KIAA0513: variants seen among roughly 807,000 people sequenced by gnomAD.
KIAA0513 encodes the protein KIAA0513.
Under a neutral mutation model 56.5 loss-of-function variants are expected in KIAA0513, and 39 were observed. The ratio of observed to expected loss-of-function variants is 0.69; its 90% CI spans 0.53 to 0.90. KIAA0513 has a LOEUF of 0.90. Among genes scored for constraint, KIAA0513 ranks in the 40% least tolerant of loss-of-function variants. KIAA0513 has a pLI of 0.00. For missense variants in KIAA0513, 591 were observed against 535.2 expected, an observed-to-expected ratio of 1.10 and a Z score of -1.03; for synonymous variants, 268 against 215.6, an observed-to-expected ratio of 1.24 and a Z score of -2.13.
intron 2 of KIAA0513, among the ~76,000 whole-genome samples, chr16:85,070,034 G>T (rs2073548790): frequency 6.6e-6 from 1 of 151,798 alleles, no homozygotes; most frequent in Admixed American, 6.6e-5. Flanking sequence ...AGCCAGGCAT[G>T]GTGGCATGTA....
Position 85,076,790 on chromosome 16 carries a change from G to C in KIAA0513, c.575-635G>C, listed in dbSNP as rs2073662300. Among the ~76,000 whole-genome samples the C allele has an allele frequency of 6.6e-6, 1 of 152,166 alleles. No homozygotes were observed. The highest frequency in any genetic ancestry group is 2.4e-5 in the African/African-American group (1 of 41,440). On this transcript the variant is annotated intron_variant, in intron 5 of 12. Transcript: ENST00000683363. This position sits in a 1 kb window ranked among gnomAD's most constrained non-coding sequence, Gnocchi z 4.7. ...TAGGAACCCCCCAGTACAACCTGTG[G>C]CTCCTCCTTTTTGAAGAACGGATAG...
intron 2 of KIAA0513, among the ~76,000 whole-genome samples, chr16:85,070,384 A>C (rs947949908): frequency 1.3e-5 from 2 of 152,114 alleles, no homozygotes; most frequent in Non-Finnish European, 2.9e-5. Flanking sequence ...GACTGTCTCA[A>C]AATGCATTTA....
intron 1 of KIAA0513, among the ~76,000 whole-genome samples, chr16:85,060,441 T>G (rs2073387752): frequency 6.6e-6 from 1 of 152,212 alleles, no homozygotes; most frequent in Non-Finnish European, 1.5e-5. Context: ...ATGTGCACAG[T>G]GCACCTGCCC....
In KIAA0513 at chr16:85,079,001, C is replaced by T. The variant is rs2073702714; in HGVS notation, c.900C>T (p.Ile300=). The change falls in exon 8 of 13, where the codon ATC becomes ATT. Residue 300 remains isoleucine, a splice_region_variant and synonymous_variant. Transcript: ENST00000683363. ...ACACGCACCTGAAGCAACAGCCCAT[C>T]TGGTAAGGCCGAGCCCGCGGCTTCC... ...YLYTHLKQQP[I]WHTLRFWNAA... is the part of the protein sequence containing the mutation. The T allele has an allele frequency of 1.3e-5, 21 of 1,614,176 alleles. No individual in the cohort carries two copies. The highest frequency in any genetic ancestry group is 1.8e-5 in the Non-Finnish European group (21 of 1,180,030).
Position 85,066,997 on chromosome 16 carries a change from T to C in KIAA0513, c.-75T>C. ...CTTGGTGGGCTCCTACTAACGCACC[T>C]GGGACACCAGGCTGCTGGGCTCCCC... On this transcript the variant is annotated 5_prime_UTR_variant, in exon 2 of 13. Transcript: ENST00000683363. The C allele has an allele frequency of 7.3e-7, 1 of 1,364,068 alleles. No individual in the cohort carries two copies. The highest frequency in any genetic ancestry group is 9.9e-7 in the Non-Finnish European group (1 of 1,012,262). 84.5% of individuals were successfully genotyped at this position (1,364,068 alleles called of 1,614,324 possible).
At chr16:85,085,627 G>A (rs2073799617) in intron 10 of KIAA0513, among the ~76,000 whole-genome samples, 1 of 152,224 alleles carries the variant, frequency 6.6e-6, no homozygotes, top group African/African-American at 2.4e-5. Flanking sequence ...TGTAAGGGTC[G>A]GGGAGGCCCC....
intron 1 of KIAA0513, among the ~76,000 whole-genome samples, chr16:85,066,015 C>T (rs1228975483): frequency 6.6e-6 from 1 of 152,178 alleles, no homozygotes. Context: ...AGCATGGCTA[C>T]GGTGGTGCCA....
At position 85,087,056 on chromosome 16, in the gene KIAA0513, G is replaced by C. The variant is rs1340243722; in HGVS notation, c.1092-16G>C. The stretch of plus-strand genomic sequence containing the variant: ...TGGGAGGCCAGCGGGTGACGCTCTT[G>C]GGGTTTCTCCTGCAGCACATTCACG... On this transcript the variant is annotated splice_polypyrimidine_tract_variant and intron_variant, in intron 11 of 12. Coordinates refer to ENST00000683363, the MANE Select transcript of KIAA0513 (RefSeq NM_001388359.1). 6.2e-7 allele frequency: 1 copy of C among 1,613,132 alleles called. No homozygotes were observed. The highest frequency in any genetic ancestry group is 8.5e-7 in the Non-Finnish European group (1 of 1,179,108).
rs777156373 is a variant in KIAA0513, at chr16:85,067,276, G to T, written c.205G>T (p.Asp69Tyr). 4 of 1,614,002 alleles carry T rather than the reference G, an allele frequency of 2.5e-6. No individual in the cohort carries two copies. The highest frequency in any genetic ancestry group is 3.4e-6 in the Non-Finnish European group (4 of 1,180,028). The change falls in exon 2 of 13, where the codon GAC (aspartate) becomes TAC (tyrosine). Residue 69 changes from aspartate to tyrosine, a missense_variant. Asp to Tyr is a radical substitution (Grantham distance 160). Coordinates refer to ENST00000683363, the MANE Select transcript of KIAA0513 (RefSeq NM_001388359.1). Reference protein sequence around the residue: ...ESPSHPSWDQDRRSSSNESFS... With the variant: ...ESPSHPSWDQYRRSSSNESFS... Reference sequence around the variant, plus strand: ...GCCCTCGCACCCGTCCTGGGACCAAGACCGCCGTTCCTCCTCCAACGAGTC... The same window carrying T: ...GCCCTCGCACCCGTCCTGGGACCAATACCGCCGTTCCTCCTCCAACGAGTC...
chr16:85,036,139 C>G (rs1207864907), intron 1 of KIAA0513, among the ~76,000 whole-genome samples: 10 of 152,076 alleles, frequency 6.6e-5, no homozygotes, highest in Admixed American at 6.6e-4. Flanking sequence ...AAACAGCCTT[C>G]TTTCCTCCTT....
chr16:85,033,086 G>A (rs1024730682), intron 1 of KIAA0513, among the ~76,000 whole-genome samples: 1 of 152,188 alleles, frequency 6.6e-6, no homozygotes, highest in East Asian at 1.9e-4. Flanking sequence ...TTGGCAGGAG[G>A]TGCTCAGTTA....
At chr16:85,072,119 G>A (rs571127490) in intron 3 of KIAA0513, among the ~76,000 whole-genome samples, 32 of 152,288 alleles carry the variant, frequency 2.1e-4, no homozygotes, top group Non-Finnish European at 4.1e-4. Context: ...TTGGGAGGCC[G>A]AGGTGGGAGG....
chr16:85,032,488 A>G (rs2143829792), intron 1 of KIAA0513, among the ~76,000 whole-genome samples: 1 of 152,246 alleles, frequency 6.6e-6, no homozygotes, highest in African/African-American at 2.4e-5. Flanking sequence ...GTGTGCCACC[A>G]CGCCTGGCTA....
intron 10 of KIAA0513, among the ~76,000 whole-genome samples, chr16:85,085,813 G>A (rs945823281): frequency 3.3e-5 from 5 of 152,228 alleles, no homozygotes; most frequent in African/African-American, 7.2e-5. Context: ...TGCGGAGAAC[G>A]CATCAGGGTC....
rs759910892 is a variant in KIAA0513, at chr16:85,086,680, C to T, written c.1047C>T (p.Asp349=). ...GCCACATGACCCAGGAGGAGCGCGACGACAGCCTCCGGTTCAACGAGAACA... is the reference window on the plus strand; with the variant it reads ...GCCACATGACCCAGGAGGAGCGCGATGACAGCCTCCGGTTCAACGAGAACA... ...KWCHMTQEER[D]DSLRFNENIT... The change falls in exon 11 of 13, where the codon GAC becomes GAT. Residue 349 remains aspartate (D), a synonymous_variant. Transcript: ENST00000683363. 1.9e-5 allele frequency: 30 copies of T among 1,613,880 alleles called. No individual in the cohort carries two copies. The Middle Eastern group carries it at 4.9e-4, about 27-fold the overall frequency.
chr16:85,088,481 T>C lies in KIAA0513; in HGVS notation c.*156T>C, dbSNP rs2073834935. 3.2e-6 allele frequency: 2 copies of C among 632,216 alleles called. No homozygotes were observed. The highest frequency in any genetic ancestry group is 3.7e-5 in the South Asian group (2 of 54,446). 39.2% of individuals were successfully genotyped at this position (632,216 alleles called of 1,614,324 possible). On this transcript the variant is annotated 3_prime_UTR_variant, in exon 13 of 13. Coordinates refer to ENST00000683363, the MANE Select transcript of KIAA0513 (RefSeq NM_001388359.1). ...AACTAGCGGTTAGAAGAATCCGCTGTTCCTCCCTCATCTCCTCTGCCTGTG... is the reference window on the plus strand; with the variant it reads ...AACTAGCGGTTAGAAGAATCCGCTGCTCCTCCCTCATCTCCTCTGCCTGTG...
In KIAA0513 at chr16:85,076,876, G is replaced by A. The variant is rs1025610711; in HGVS notation, c.575-549G>A. 5.3e-5 allele frequency among the ~76,000 whole-genome samples: 8 copies of A among 152,210 alleles called. No homozygotes were observed. The highest frequency in any genetic ancestry group is 1.7e-4 in the African/African-American group (7 of 41,456). ...GCCACCCACAGCAGCTTCAGCTAGC[G>A]AGGACACCCCACTGGGACCTGCAGA... is the stretch of plus-strand genomic sequence containing the variant. On this transcript the variant is annotated intron_variant, in intron 5 of 12. Transcript: ENST00000683363. The surrounding 1 kb of genome is among the most constrained non-coding windows in gnomAD (Gnocchi z 4.7).
chr16:85,056,433 C>T lies in KIAA0513; in HGVS notation c.-172-10467C>T, dbSNP rs527884557. ...TAGCTCTTTCCATTCCACAGAACAG[C>T]AGCCAGAGGGAGCCAGGGCAGCTTC... On this transcript the variant is annotated intron_variant, in intron 1 of 12. Transcript: ENST00000683363. Among the ~76,000 whole-genome samples the T allele has an allele frequency of 5.9e-5, 9 of 152,312 alleles. 1 individual carries two copies. The highest frequency in any genetic ancestry group is 3.3e-4 in the Admixed American group (5 of 15,292).
At position 85,078,956 on chromosome 16, in the gene KIAA0513, G is replaced by C; in HGVS notation, c.855G>C (p.Lys285Asn). The C allele has an allele frequency of 1.2e-6, 2 of 1,614,152 alleles. No individual in the cohort carries two copies. The highest frequency in any genetic ancestry group is 1.7e-6 in the Non-Finnish European group (2 of 1,180,022). ...VTAYSPEDEK[K>N]GEKIYLYTHL... ...CGTACAGCCCCGAGGACGAAAAGAA[G>C]GGGGAGAAGATCTACCTGTACACGC... Residue 285 changes from lysine to asparagine, a missense_variant, in exon 8 of 13, where the codon AAG (lysine) becomes AAC (asparagine). Physicochemically the swap from Lys to Asn is moderately conservative, Grantham distance 94. Coordinates refer to ENST00000683363, the MANE Select transcript of KIAA0513 (RefSeq NM_001388359.1).
Sources: allele counts gnomAD v4.1 joint callset (sites outside exome capture counted in the v4.1 genomes callset), GRCh38; gene constraint gnomAD v4.1.1; non-coding constraint Gnocchi (gnomAD v3.1); transcripts MANE v1.5; gene names NCBI Gene and HGNC (gene_info 2026-07-23, HGNC 2026-07-21).